ASIC2: variants seen among roughly 807,000 people sequenced by gnomAD.
ASIC2 encodes acid sensing ion channel subunit 2.
In ASIC2, 25 loss-of-function variants were observed where a neutral mutation model predicts 57.3. The ratio of observed to expected loss-of-function variants is 0.44; its 90% CI spans 0.32 to 0.61. The LOEUF (loss-of-function observed/expected upper bound fraction) is 0.61. ASIC2 is among the 20% of genes least tolerant of loss of function. The pLI is 0.06. For synonymous variants in ASIC2, 319 were observed against 307.5 expected (o/e 1.04, Z -0.39); for missense variants, 641 against 738.1 (o/e 0.87, Z 1.52).
chr17:34,022,880 C>T (rs1163402181), intron 1 of ASIC2, among the ~76,000 whole-genome samples: 1 of 152,120 alleles, frequency 6.6e-6, no homozygotes, highest in East Asian at 1.9e-4. Context: ...GGAGGAGGGT[C>T]CTGGTGGGAG....
chr17:33,804,428 C>T (rs1048257871), intron 1 of ASIC2, among the ~76,000 whole-genome samples: 2 of 152,074 alleles, frequency 1.3e-5, no homozygotes, highest in African/African-American at 4.8e-5. Flanking sequence ...AAGCCTCCAC[C>T]CACTGGGCAT....
intron 9 of ASIC2, among the ~76,000 whole-genome samples, chr17:33,014,844 A>G (rs910417015): frequency 6.6e-6 from 1 of 152,184 alleles, no homozygotes; most frequent in Non-Finnish European, 1.5e-5. Flanking sequence ...AGCACTTACT[A>G]TAAACTAGGT....
chr17:33,934,127 C>T (rs780901491), intron 1 of ASIC2, among the ~76,000 whole-genome samples: 16 of 152,296 alleles, frequency 1.1e-4, no homozygotes, highest in African/African-American at 1.9e-4. Flanking sequence ...CAGAAGGTCA[C>T]GGTGGCTGAG....
intron 1 of ASIC2, among the ~76,000 whole-genome samples, chr17:33,469,069 G>A (rs950115539): frequency 2.0e-5 from 3 of 152,232 alleles, no homozygotes; most frequent in Admixed American, 6.5e-5. Context: ...AAGTGGGTAT[G>A]CAAAGTTGGC....
intron 1 of ASIC2, among the ~76,000 whole-genome samples, chr17:33,471,940 A>G (rs763628824): frequency 1.3e-5 from 2 of 152,072 alleles, no homozygotes; most frequent in Non-Finnish European, 2.9e-5. Context: ...GAGGAAACTG[A>G]GGCTTAGAAA....
intron 1 of ASIC2, among the ~76,000 whole-genome samples, chr17:33,694,931 C>A (rs571213714): frequency 1.3e-5 from 2 of 152,210 alleles, no homozygotes; most frequent in East Asian, 1.9e-4. Context: ...GGCTGCCCCA[C>A]GCTGCCTACA....
At chr17:33,700,664 G>T (rs1908669198) in intron 1 of ASIC2, among the ~76,000 whole-genome samples, 1 of 152,224 alleles carries the variant, frequency 6.6e-6, no homozygotes, top group Non-Finnish European at 1.5e-5. Flanking sequence ...AGTAATAGAT[G>T]TTAGCTATTA....
chr17:33,325,849 G>A (rs910891594), intron 1 of ASIC2, among the ~76,000 whole-genome samples: 12 of 152,118 alleles, frequency 7.9e-5, no homozygotes, highest in Non-Finnish European at 1.8e-4. Flanking sequence ...TTTGAGGATG[G>A]AAGGAATGGA....
chr17:33,142,380 A>G (rs1263557062), intron 1 of ASIC2, among the ~76,000 whole-genome samples: 1 of 152,224 alleles, frequency 6.6e-6, no homozygotes, highest in African/African-American at 2.4e-5. Context: ...TTCACCATGC[A>G]GAGGCGAATC....
intron 1 of ASIC2, among the ~76,000 whole-genome samples, chr17:33,203,164 C>T (rs60192294): frequency 0.027 from 4,046 of 152,278 alleles, 195 homozygotes; most frequent in African/African-American, 0.092. Context: ...CCACTAGTGC[C>T]TGTATTATGT....
At chr17:33,770,926 G>A (rs1179393860) in intron 1 of ASIC2, among the ~76,000 whole-genome samples, 1 of 152,142 alleles carries the variant, frequency 6.6e-6, no homozygotes, top group Non-Finnish European at 1.5e-5. Context: ...AACATTCATT[G>A]TCTGGGTATT....
intron 1 of ASIC2, among the ~76,000 whole-genome samples, chr17:34,088,083 G>A (rs1361205035): frequency 2.0e-5 from 3 of 152,242 alleles, no homozygotes; most frequent in Admixed American, 2.0e-4. Flanking sequence ...TTGCTGGTGA[G>A]GAACTGCGTT....
chr17:34,033,617 CA>C (rs1226222029), intron 1 of ASIC2, among the ~76,000 whole-genome samples: 1 of 151,952 alleles, frequency 6.6e-6, no homozygotes, highest in Non-Finnish European at 1.5e-5. Context: ...AGACCGTTAG[CA>C]AGACTAATAA....
At chr17:33,721,010 G>T (rs762896859) in intron 1 of ASIC2, among the ~76,000 whole-genome samples, 76 of 152,256 alleles carry the variant, frequency 5.0e-4, no homozygotes, top group Non-Finnish European at 9.9e-4. Context: ...AAAACTCTAA[G>T]TGCATTGTCC....
chr17:33,334,128 T>C (rs1286379627), intron 1 of ASIC2, among the ~76,000 whole-genome samples: 1 of 152,186 alleles, frequency 6.6e-6, no homozygotes, highest in East Asian at 1.9e-4. Flanking sequence ...AGAATCCTTG[T>C]CTTAGGGGAC....
intron 1 of ASIC2, among the ~76,000 whole-genome samples, chr17:33,379,317 T>G (rs1411059033): frequency 6.6e-6 from 1 of 152,184 alleles, no homozygotes; most frequent in Non-Finnish European, 1.5e-5. Context: ...ACTCTGGCAG[T>G]TGCGAAGTTC....
intron 1 of ASIC2, among the ~76,000 whole-genome samples, chr17:33,965,893 C>A (rs991837530): frequency 1.3e-5 from 2 of 152,132 alleles, no homozygotes; most frequent in Admixed American, 6.5e-5. Context: ...AGGGACTAGC[C>A]CAAGGGGAGC....
intron 1 of ASIC2, among the ~76,000 whole-genome samples, chr17:34,117,604 C>G (rs892035701): frequency 1.3e-5 from 2 of 152,148 alleles, no homozygotes; most frequent in African/African-American, 2.4e-5. Flanking sequence ...AGAGACGTGA[C>G]TGCAATCATC....
chr17:33,023,757 T>TAA, intron 6 of ASIC2, 104 bp downstream of exon 6: 1 of 1,488,064 alleles, frequency 6.7e-7, no homozygotes, highest in East Asian at 2.3e-5. Flanking sequence ...TAATGTTTGC[T>TAA]AACTTGAACC....
Sources: allele counts gnomAD v4.1 joint callset (sites outside exome capture counted in the v4.1 genomes callset), GRCh38; gene constraint gnomAD v4.1.1; transcripts MANE v1.5; gene names NCBI Gene and HGNC (gene_info 2026-07-23, HGNC 2026-07-21).